HUWE1: variants seen among roughly 807,000 people sequenced by gnomAD.
The protein encoded by HUWE1 is HECT, UBA and WWE domain containing E3 ubiquitin protein ligase 1.
HUWE1 carries 18 observed loss-of-function variants against 299.4 expected under a neutral mutation model. That is an observed-to-expected ratio of 0.06 (90% CI 0.04 to 0.09). HUWE1 has a LOEUF of 0.09. HUWE1 is among the 10% of genes least tolerant of loss of function. The pLI, the probability that HUWE1 is intolerant of heterozygous loss-of-function variation, is 1.00. For synonymous variants in HUWE1, 1,317 were observed against 1,286.1 expected (o/e 1.02, Z -0.51); for missense variants, 1,832 against 3,462.3 (o/e 0.53, Z 11.82).
intron 44 of HUWE1, 94 bp from the exon 45 acceptor site, chrX:53,575,882 C>G (rs1602750972): frequency 1.1e-6 from 1 of 907,910 alleles, no homozygotes; most frequent in East Asian, 3.2e-5. Context: ...GTCAATTTCA[C>G]ATCAAGTGGC....
chrX:53,590,922 G>A, intron 34 of HUWE1, 78 bp downstream of exon 34: 2 of 1,120,526 alleles, frequency 1.8e-6, no homozygotes, highest in Non-Finnish European at 2.5e-6. Flanking sequence ...GAAGACCAAT[G>A]ACAGAATAAT....
At chrX:53,578,360 G>GA (rs1258321966) in intron 43 of HUWE1, among the ~76,000 whole-genome samples, 1 of 106,171 alleles carries the variant, frequency 9.4e-6, no homozygotes, top group African/African-American at 3.5e-5. Context: ...AGGTGGGGGG[G>GA]GGTCAGCCCC....
chrX:53,672,918 G>A (rs951073813), intron 3 of HUWE1, among the ~76,000 whole-genome samples: 2 of 111,661 alleles, frequency 1.8e-5, no homozygotes, highest in Non-Finnish European at 3.8e-5. Context: ...TGGGGTTTGC[G>A]GAAATTTGTC....
intron 81 of HUWE1, 58 bp downstream of exon 81, chrX:53,535,326 A>G (rs2060990865): frequency 1.3e-6 from 1 of 758,429 alleles, no homozygotes; most frequent in African/African-American, 2.0e-5. Flanking sequence ...TATCAAATGA[A>G]TCAAGTCCGA....
At chrX:53,642,154 G>A (rs2067641547) in intron 7 of HUWE1, among the ~76,000 whole-genome samples, 1 of 111,364 alleles carries the variant, frequency 9.0e-6, no homozygotes, top group Non-Finnish European at 1.9e-5. Flanking sequence ...CATGGCAATC[G>A]AAACCTCGGA....
intron 57 of HUWE1, 129 bp downstream of exon 57, chrX:53,559,223 TAA>T: frequency 1.2e-6 from 1 of 820,873 alleles, no homozygotes; most frequent in South Asian, 2.1e-5. Flanking sequence ...TGCCCATGGC[TAA>T]GTCACTGAGT....
chrX:53,592,234 T>C (rs920467817), intron 33 of HUWE1, among the ~76,000 whole-genome samples, 164 bp downstream of exon 33: 14 of 111,630 alleles, frequency 1.3e-4, no homozygotes, highest in African/African-American at 4.6e-4. Flanking sequence ...ACTCCAGTTT[T>C]CCTCAGGAGA....
chrX:53,557,082 G>A (rs782496154), intron 60 of HUWE1: 52 of 394,076 alleles, frequency 1.3e-4, no homozygotes, highest in African/African-American at 1.2e-3. Context: ...GGACAGAGTT[G>A]CAGTCAGGAA....
intron 17 of HUWE1, among the ~76,000 whole-genome samples, chrX:53,626,216 CGTGTGTGTGTGTGTGTGTGTGTGT>C (rs58080331): frequency 1.1e-5 from 1 of 94,903 alleles, no homozygotes; most frequent in Admixed American, 1.2e-4. Flanking sequence ...CATACATACA[CGTGTGTGTGTGTGTGTGTGTGTGT>C]GTGTGTGTGT....
chrX:53,575,252 T>C, intron 45 of HUWE1, 31 bp from the exon 46 acceptor site: 1 of 1,113,175 alleles, frequency 9.0e-7, no homozygotes, highest in Non-Finnish European at 1.2e-6. Context: ...TGAGCTATTA[T>C]GAATTTCAAA....
At chrX:53,577,262 G>C (rs782623444) in intron 43 of HUWE1, among the ~76,000 whole-genome samples, 195 bp from the exon 44 acceptor site, 1 of 110,113 alleles carries the variant, frequency 9.1e-6, no homozygotes, top group Non-Finnish European at 1.9e-5. Flanking sequence ...TAATATAGCA[G>C]TACCAAATAG....
chrX:53,581,511 A>C (rs782565119), intron 42 of HUWE1, among the ~76,000 whole-genome samples: 60 of 112,739 alleles, frequency 5.3e-4, no homozygotes, highest in Non-Finnish European at 5.6e-5. Context: ...CAGGGCTTAC[A>C]TATAGCTATG....
chrX:53,660,672 T>C (rs782025612), intron 3 of HUWE1, among the ~76,000 whole-genome samples: 1 of 111,812 alleles, frequency 8.9e-6, no homozygotes, highest in South Asian at 3.7e-4. Context: ...ATTTGGGAAA[T>C]GTTATAGACA....
chrX:53,558,555 G>A, intron 59 of HUWE1, 100 bp downstream of exon 59: 4 of 864,168 alleles, frequency 4.6e-6, no homozygotes, highest in East Asian at 6.2e-5. Context: ...CAACGTGAAC[G>A]TTCTAGGATT....
chrX:53,647,622 G>T (rs191544900), intron 5 of HUWE1, 48 bp from the exon 6 acceptor site: 4 of 927,883 alleles, frequency 4.3e-6, no homozygotes, highest in African/African-American at 3.9e-5. Context: ...TAGAAGCGCC[G>T]CATGGGTGCT....
chrX:53,616,903 G>A, intron 21 of HUWE1, 67 bp downstream of exon 21: 1 of 934,510 alleles, frequency 1.1e-6, no homozygotes, highest in Non-Finnish European at 1.5e-6. Context: ...TGAGAGAGAT[G>A]ATCAAGGAAG....
intron 9 of HUWE1, chrX:53,632,101 G>T: frequency 6.0e-6 from 2 of 333,517 alleles, no homozygotes; most frequent in Non-Finnish European, 5.6e-6. Flanking sequence ...AATACAAAAT[G>T]ACCAGATAAT....
At chrX:53,672,388 G>A (rs782437051) in intron 3 of HUWE1, among the ~76,000 whole-genome samples, 62 of 107,900 alleles carry the variant, frequency 5.7e-4, no homozygotes, top group Non-Finnish European at 9.2e-4. Context: ...TCAGCCTCCC[G>A]AGTAGCTGGG....
rs1556970581 is a variant in HUWE1 at position 53,583,933 on chromosome X, T to G, written c.5162-17A>C. ...AAGGGGTATCTATAAAATGGGAAAA[T>G]AACAGTTTTAGACAGTTTAACTTGA... is the stretch of plus-strand genomic sequence containing the variant. On this transcript the variant is annotated splice_polypyrimidine_tract_variant and intron_variant, in intron 41 of 83. Transcript: ENST00000262854. 2.7e-6 allele frequency: 3 copies of G among 1,130,013 alleles called. No homozygotes were observed. In the Admixed American group the frequency reaches 6.6e-5, roughly 25 times the overall value. The allele number at this position is 1,130,013 out of a possible 1,213,427, so 93.1% of individuals were successfully genotyped here.
Sources: gnomAD v4.1 joint callset for allele counts (sites outside exome capture counted in the v4.1 genomes callset) on GRCh38, gnomAD v4.1.1 for gene constraint, MANE v1.5 for transcripts, NCBI Gene and HGNC (gene_info 2026-07-23, HGNC 2026-07-21) for gene names.